SLC22A23: variants seen among roughly 807,000 people sequenced by gnomAD.
The protein encoded by SLC22A23 is ion transporter protein.
A neutral mutation model predicts 61.0 loss-of-function variants in SLC22A23; 26 were observed. The observed-to-expected ratio is 0.43, with a 90% CI of 0.31 to 0.59. The LOEUF (loss-of-function observed/expected upper bound fraction) is 0.59. SLC22A23 is among the 20% of genes least tolerant of loss of function. The pLI is 0.11. For synonymous variants in SLC22A23, 430 were observed against 413.9 expected, an observed-to-expected ratio of 1.04 and a Z score of -0.47; for missense variants, 796 against 934.7, an observed-to-expected ratio of 0.85 and a Z score of 1.94.
chr6:3,328,721 T>C lies in SLC22A23; in HGVS notation c.914-4719A>G, dbSNP rs1763415720. On this transcript the variant is annotated intron_variant, in intron 3 of 9. Coordinates refer to ENST00000406686, the MANE Select transcript of SLC22A23 (RefSeq NM_015482.2). This position sits in a 1 kb window ranked among gnomAD's most constrained non-coding sequence, Gnocchi z 5.0. ...GGCCCTCCCGCTGGCCCCTCATGGA[T>C]GTCAGCCTGGCCACCCCTCACAGTC... Among the ~76,000 whole-genome samples the C allele has an allele frequency of 6.6e-6, 1 of 152,112 alleles. No homozygotes were observed. The highest frequency in any genetic ancestry group is 1.5e-5 in the Non-Finnish European group (1 of 68,012).
chr6:3,435,202 T>C (rs575271166), intron 1 of SLC22A23, among the ~76,000 whole-genome samples: 9 of 152,200 alleles, frequency 5.9e-5, no homozygotes, highest in African/African-American at 2.2e-4. Context: ...AGAAGCCAAC[T>C]TCTCAGGGGG....
chr6:3,445,550 G>A (rs1489540330), intron 1 of SLC22A23, among the ~76,000 whole-genome samples: 1 of 152,184 alleles, frequency 6.6e-6, no homozygotes, highest in Non-Finnish European at 1.5e-5. Flanking sequence ...GACATTTATG[G>A]TGTTAACCTC....
intron 4 of SLC22A23, among the ~76,000 whole-genome samples, chr6:3,302,167 G>A (rs1260792452): frequency 6.6e-6 from 1 of 152,168 alleles, no homozygotes; most frequent in East Asian, 1.9e-4. Context: ...AATCATGGTA[G>A]GTTGTATGTG....
chr6:3,411,742 C>T (rs565789589), intron 2 of SLC22A23, among the ~76,000 whole-genome samples: 68 of 152,190 alleles, frequency 4.5e-4, no homozygotes, highest in Non-Finnish European at 7.9e-4. Flanking sequence ...TTAGTTCTAA[C>T]CATTCCCATC....
intron 1 of SLC22A23, among the ~76,000 whole-genome samples, chr6:3,449,780 CCTA>C (rs1450330974): frequency 1.3e-5 from 2 of 152,200 alleles, no homozygotes; most frequent in Non-Finnish European, 2.9e-5. Context: ...AAAAATGCAG[CCTA>C]CTTTCACCCT....
chr6:3,285,568 G>A (rs751656795), intron 7 of SLC22A23, among the ~76,000 whole-genome samples: 22 of 151,792 alleles, frequency 1.4e-4, no homozygotes, highest in Non-Finnish European at 2.9e-4. Flanking sequence ...CACAACACCC[G>A]GGGGCTGAGG....
Position 3,270,493 on chromosome 6 carries a change from A to G in SLC22A23, c.*2562T>C, listed in dbSNP as rs1024570134. On this transcript the variant is annotated 3_prime_UTR_variant, in exon 10 of 10. Coordinates refer to ENST00000406686, the MANE Select transcript of SLC22A23 (RefSeq NM_015482.2). ...GTATCCCTAGGCTGAAGCTGCCACCAAACAGGCACCCGGCCTCCTCCTCCT... is the reference window on the plus strand; with the variant it reads ...GTATCCCTAGGCTGAAGCTGCCACCGAACAGGCACCCGGCCTCCTCCTCCT... 4.6e-5 allele frequency: 7 copies of G among 152,484 alleles called. No homozygotes were observed. The highest frequency in any genetic ancestry group is 1.7e-4 in the African/African-American group (7 of 41,580). The allele number at this position is 152,484 out of a possible 1,614,324, so 9.4% of individuals were successfully genotyped here.
chr6:3,324,874 A>T lies in SLC22A23; in HGVS notation c.914-872T>A, dbSNP rs1194805026. On this transcript the variant is annotated intron_variant, in intron 3 of 9. Coordinates refer to ENST00000406686, the MANE Select transcript of SLC22A23 (RefSeq NM_015482.2). This position sits in a 1 kb window ranked among gnomAD's most constrained non-coding sequence, Gnocchi z 4.3. ...TTTACTTTGACCTTGAGTCAAAAAG[A>T]TGATCAGAAAACTTTAATCTGTGGC... Among the ~76,000 whole-genome samples the T allele has an allele frequency of 1.3e-5, 2 of 152,272 alleles. No homozygotes were observed. Among genetic ancestry groups the T allele is most frequent in the East Asian group, 3.8e-4 (2 of 5,206 alleles).
intron 1 of SLC22A23, among the ~76,000 whole-genome samples, chr6:3,445,593 A>AT (rs1771853384): frequency 1.3e-5 from 2 of 152,112 alleles, no homozygotes; most frequent in African/African-American, 2.4e-5. Context: ...GGGGAGAGAG[A>AT]CGGGCATCCT....
chr6:3,274,171 C>A (rs139656175), intron 9 of SLC22A23, among the ~76,000 whole-genome samples: 1 of 152,228 alleles, frequency 6.6e-6, no homozygotes, highest in African/African-American at 2.4e-5. Context: ...TTAGTAGATA[C>A]GCAAAACTTA....
At chr6:3,295,767 A>C (rs868327911) in intron 5 of SLC22A23, among the ~76,000 whole-genome samples, 1 of 152,180 alleles carries the variant, frequency 6.6e-6, no homozygotes, top group Non-Finnish European at 1.5e-5. Flanking sequence ...TGCCATCAAC[A>C]CATCTGACAG....
In SLC22A23 at chr6:3,317,804, T is replaced by G. The variant is rs566295047; in HGVS notation, c.1082+6030A>C. Among the ~76,000 whole-genome samples the G allele has an allele frequency of 1.1e-3, 164 of 152,308 alleles. No individual in the cohort carries two copies. Among genetic ancestry groups the G allele is most frequent in the Non-Finnish European group, 2.0e-3 (133 of 68,034 alleles). ...ACAACTAAGTGCTCAAGTTTGACTCTGCAAACCACACGAGAGGACCAGGCG... is the reference window on the plus strand; with the variant it reads ...ACAACTAAGTGCTCAAGTTTGACTCGGCAAACCACACGAGAGGACCAGGCG... On this transcript the variant is annotated intron_variant, in intron 4 of 9. Transcript: ENST00000406686. This position sits in a 1 kb window ranked among gnomAD's most constrained non-coding sequence, Gnocchi z 4.4.
At chr6:3,293,444 G>A (rs756679284) in intron 5 of SLC22A23, among the ~76,000 whole-genome samples, 6 of 152,174 alleles carry the variant, frequency 3.9e-5, no homozygotes, top group African/African-American at 4.8e-5. Context: ...GGGGCCACTC[G>A]GCCACTCGAA....
chr6:3,406,072 A>C (rs1768806356), intron 3 of SLC22A23, among the ~76,000 whole-genome samples: 1 of 152,200 alleles, frequency 6.6e-6, no homozygotes, highest in Non-Finnish European at 1.5e-5. Context: ...TGCCCACAGG[A>C]ACTAAGGTTT....
At chr6:3,290,584 CTG>C (rs1760491219) in intron 5 of SLC22A23, 1 of 153,278 alleles carries the variant, frequency 6.5e-6, no homozygotes, top group Non-Finnish European at 1.5e-5. Context: ...AGTCATGAGA[CTG>C]AGTTTCTTGT....
chr6:3,432,584 A>G (rs1342699051), intron 1 of SLC22A23, among the ~76,000 whole-genome samples: 1 of 152,158 alleles, frequency 6.6e-6, no homozygotes, highest in Non-Finnish European at 1.5e-5. Context: ...AAATTTCTAA[A>G]CTGTTATCCT....
rs758218503 is a variant in SLC22A23, at chr6:3,273,047, A to G, written c.*8T>C. The G allele has an allele frequency of 6.5e-7, 1 of 1,529,862 alleles. No individual in the cohort carries two copies. Among genetic ancestry groups the G allele is most frequent in the Non-Finnish European group, 8.8e-7 (1 of 1,141,142 alleles). The allele number at this position is 1,529,862 out of a possible 1,614,324, so 94.8% of individuals were successfully genotyped here. On this transcript the variant is annotated 3_prime_UTR_variant, in exon 10 of 10. Coordinates refer to ENST00000406686, the MANE Select transcript of SLC22A23 (RefSeq NM_015482.2). Reference sequence around the variant, plus strand: ...CAGACCCTGGAGCCCCGGGTTCCGCAGGCCGGGCTACATGGCCTTCATGCC... The same window carrying G: ...CAGACCCTGGAGCCCCGGGTTCCGCGGGCCGGGCTACATGGCCTTCATGCC...
Position 3,323,923 on chromosome 6 carries a change from G to A in SLC22A23, c.993C>T (p.Leu331=). ...ASFVAMAGQF[L]MPGLAALCRD... ...GGCACAGGGCGGCTAGCCCAGGCAT[G>A]AGGAACTGGCCCGCCATGGCCACGA... is the stretch of plus-strand genomic sequence containing the variant. Residue 331 remains leucine, a synonymous_variant, in exon 4 of 10, where the codon CTC becomes CTT. Transcript: ENST00000406686. 1 of 1,614,216 alleles carries A rather than the reference G, an allele frequency of 6.2e-7. No homozygotes were observed. The highest frequency in any genetic ancestry group is 8.5e-7 in the Non-Finnish European group (1 of 1,180,050).
chr6:3,300,045 C>G (rs1183296030), intron 4 of SLC22A23, among the ~76,000 whole-genome samples: 1 of 121,812 alleles, frequency 8.2e-6, no homozygotes, highest in African/African-American at 3.0e-5. Context: ...GAGTCTTGCT[C>G]TGTCACCCAG....
Sources: allele counts gnomAD v4.1 joint callset (sites outside exome capture counted in the v4.1 genomes callset), GRCh38; gene constraint gnomAD v4.1.1; non-coding constraint Gnocchi (gnomAD v3.1); transcripts MANE v1.5; gene names NCBI Gene and HGNC (gene_info 2026-07-23, HGNC 2026-07-21).